ADI1: variants seen among roughly 807,000 people sequenced by gnomAD.
ADI1 encodes the protein acireductone dioxygenase 1, also known as acireductone dioxygenase.
In ADI1, 21 loss-of-function variants were observed where a neutral mutation model predicts 18.7. The ratio of observed to expected loss-of-function variants is 1.13; its 90% CI spans 0.80 to 1.62. The LOEUF (loss-of-function observed/expected upper bound fraction) is 1.62. Ranked by LOEUF, ADI1 falls within the 40% of genes most tolerant of loss-of-function variation. The probability of loss-of-function intolerance (pLI) is 0.00; values close to 1 mark genes in which losing one functional copy is unlikely to be tolerated. For synonymous variants in ADI1, 90 were observed against 100.1 expected (o/e 0.90, Z 0.60); for missense variants, 245 against 254.9 (o/e 0.96, Z 0.26).
At chr2:3,509,082 T>C (rs1017672633) in intron 2 of ADI1, among the ~76,000 whole-genome samples, 6 of 151,558 alleles carry the variant, frequency 4.0e-5, no homozygotes, top group African/African-American at 7.3e-5. Flanking sequence ...TCATCAGAGA[T>C]AAAGGGGGAC....
At chr2:3,504,007 A>C (rs536862881) in intron 2 of ADI1, among the ~76,000 whole-genome samples, 1 of 152,294 alleles carries the variant, frequency 6.6e-6, no homozygotes, top group South Asian at 2.1e-4. Flanking sequence ...AATCATCACG[A>C]CTTACGAAAA....
chr2:3,516,620 G>C, intron 1 of ADI1: 1 of 656,986 alleles, frequency 1.5e-6, no homozygotes, highest in Non-Finnish European at 1.9e-6. Context: ...CCTTAATCTT[G>C]GACTTCTTAG....
chr2:3,498,961 T>C lies in ADI1; in HGVS notation c.*2A>G. 1 of 1,610,638 alleles carries C rather than the reference T, an allele frequency of 6.2e-7. No homozygotes were observed. Among genetic ancestry groups the C allele is most frequent in the South Asian group, 1.1e-5 (1 of 90,972 alleles). ...GCACGTGTTAGTTCCCAGGCAGCAC[T>C]GCTAGGCGGTCTGTGCCAGAAATTT... On this transcript the variant is annotated 3_prime_UTR_variant, in exon 4 of 4. Transcript: ENST00000327435.
chr2:3,519,134 CGCAGCACACCCAGGCGCCGCGCA>C, intron 1 of ADI1: 1 of 452,104 alleles, frequency 2.2e-6, no homozygotes. Context: ...GCTGAGCATG[CGCAGCACACCCAGGCGCCGCGCA>C]GGAGGCCCTG....
In ADI1 at chr2:3,500,813, C is replaced by A; in HGVS notation, c.420+1G>T. The A allele has an allele frequency of 6.2e-7, 1 of 1,613,856 alleles. No homozygotes were observed. Among genetic ancestry groups the A allele is most frequent in the Non-Finnish European group, 8.5e-7 (1 of 1,179,776 alleles). ...CTGGGGAGAAAGCACAGCACTCCCA[C>A]CTTCTCGTCCACCGTGAAGCGGTGA... On this transcript the variant is annotated splice_donor_variant, in intron 3 of 3. Transcript: ENST00000327435. LOFTEE classifies it high-confidence loss of function.
In ADI1 at chr2:3,502,198, T is replaced by A. The variant is rs796975589; in HGVS notation, c.241-1205A>T. 1.5e-4 allele frequency among the ~76,000 whole-genome samples: 23 copies of A among 152,118 alleles called. 1 individual carries two copies. Among genetic ancestry groups the A allele is most frequent in the African/African-American group, 3.9e-4 (16 of 41,514 alleles). ...GCACTACCATACCTGGCTAATTTTT[T>A]AAAAAAATTTTTTCTAGAGACAGGG... On this transcript the variant is annotated intron_variant, in intron 2 of 3. Transcript: ENST00000327435.
chr2:3,508,334 CAAAAAAAAAAAA>C lies in ADI1; in HGVS notation c.240+5511_240+5522del, dbSNP rs33977448. On this transcript the variant is annotated intron_variant, in intron 2 of 3. Transcript: ENST00000327435. ...TGGGCAACAGAGTGAGACTCTGTCT[CAAAAAAAAAAAA>C]AAAAAAAAAAAAAACAATAACAAAG... Among the ~76,000 whole-genome samples the C allele has an allele frequency of 5.2e-4, 14 of 26,924 alleles. No homozygotes were observed. The East Asian group carries it at 8.5e-3, about 16-fold the overall frequency. 17.7% of individuals were successfully genotyped at this position (26,924 alleles called of 152,430 possible).
intron 2 of ADI1, among the ~76,000 whole-genome samples, chr2:3,509,006 A>C: frequency 1.4e-5 from 1 of 73,152 alleles, no homozygotes; most frequent in South Asian, 5.7e-4. Flanking sequence ...GAAGGAAGGA[A>C]GGGAGGGAGG....
chr2:3,519,263 C>T (rs1006833183), intron 1 of ADI1, 105 bp downstream of exon 1: 2 of 1,301,930 alleles, frequency 1.5e-6, no homozygotes, highest in African/African-American at 1.6e-5. Flanking sequence ...GCGCAGCATG[C>T]CGCGGCTCCC....
intron 2 of ADI1, among the ~76,000 whole-genome samples, chr2:3,512,565 C>T (rs1667314374): frequency 1.3e-5 from 2 of 152,192 alleles, no homozygotes; most frequent in South Asian, 4.1e-4. Flanking sequence ...AAGCCATGAG[C>T]CTTTGTGGCT....
chr2:3,506,740 C>T (rs536582250), intron 2 of ADI1, among the ~76,000 whole-genome samples: 6 of 152,278 alleles, frequency 3.9e-5, no homozygotes, highest in Admixed American at 2.6e-4. Flanking sequence ...ATACCCAACA[C>T]AATATTGAAG....
At chr2:3,518,990 C>A (rs902995495) in intron 1 of ADI1, among the ~76,000 whole-genome samples, 2 of 150,262 alleles carry the variant, frequency 1.3e-5, no homozygotes, top group Non-Finnish European at 3.0e-5. Context: ...CCGACCCCCA[C>A]CAGCCCCGCT....
At chr2:3,502,039 ACAC>A (rs1325141719) in intron 2 of ADI1, among the ~76,000 whole-genome samples, 5,087 of 54,830 alleles carry the variant, frequency 0.093, 298 homozygotes, top group African/African-American at 0.44. Context: ...ACACACACAC[ACAC>A]AGAGACAGGG....
At chr2:3,518,047 T>C (rs1667445589) in intron 1 of ADI1, among the ~76,000 whole-genome samples, 1 of 152,238 alleles carries the variant, frequency 6.6e-6, no homozygotes, top group South Asian at 2.1e-4. Flanking sequence ...GTTTGGATTG[T>C]GGATAAACAT....
chr2:3,497,413 C>T lies in ADI1; in HGVS notation c.*1550G>A, dbSNP rs1345226129. The T allele has an allele frequency of 3.9e-5, 6 of 152,276 alleles. No homozygotes were observed. The highest frequency in any genetic ancestry group is 2.1e-4 in the South Asian group (1 of 4,816). 9.4% of individuals were successfully genotyped at this position (152,276 alleles called of 1,614,324 possible). On this transcript the variant is annotated 3_prime_UTR_variant, in exon 4 of 4. Transcript: ENST00000327435. ...TATATAAATGACACCTCAATAAAAA[C>T]GAAAGATGTGAGCAACATCCTGGGA...
At chr2:3,513,783 A>G in intron 2 of ADI1, 74 bp downstream of exon 2, 1 of 1,464,062 alleles carries the variant, frequency 6.8e-7, no homozygotes, top group Non-Finnish European at 9.1e-7. Flanking sequence ...AAAAGAAAAA[A>G]GAAAGAAAAT....
intron 2 of ADI1, among the ~76,000 whole-genome samples, chr2:3,504,499 C>T (rs1667128115): frequency 6.6e-6 from 1 of 152,324 alleles, no homozygotes; most frequent in South Asian, 2.1e-4. Context: ...CCACCAGAAT[C>T]TAATGAACTG....
rs762880624 is a variant in ADI1, at chr2:3,498,676, G to A, written c.*287C>T. 5 of 316,122 alleles carry A rather than the reference G, an allele frequency of 1.6e-5. No individual in the cohort carries two copies. Among genetic ancestry groups the A allele is most frequent in the Non-Finnish European group, 1.7e-5 (3 of 175,764 alleles). 19.6% of individuals were successfully genotyped at this position (316,122 alleles called of 1,614,324 possible). ...ATGGGCATCTAAGGAACTGCATTTC[G>A]GGAGATGAAACTTTCATTTGGGACT... On this transcript the variant is annotated 3_prime_UTR_variant, in exon 4 of 4. Transcript: ENST00000327435.
At chr2:3,514,689 C>A in intron 1 of ADI1, 1 of 1,312,982 alleles carries the variant, frequency 7.6e-7, no homozygotes, top group Non-Finnish European at 1.0e-6. Flanking sequence ...CCTGACGAAG[C>A]ACTTCCCTGA....
Sources: gnomAD v4.1 joint callset for allele counts (sites outside exome capture counted in the v4.1 genomes callset) on GRCh38, gnomAD v4.1.1 for gene constraint, MANE v1.5 for transcripts, NCBI Gene and HGNC (gene_info 2026-07-23, HGNC 2026-07-21) for gene names.